BRWD1: variants seen among roughly 807,000 people sequenced by gnomAD.
BRWD1 encodes bromodomain and WD repeat domain containing 1, also known as bromodomain and WD repeat-containing protein 1.
A neutral mutation model predicts 251.2 loss-of-function variants in BRWD1; 82 were observed. That is an observed-to-expected ratio of 0.33 (90% CI 0.27 to 0.39). BRWD1 has a LOEUF of 0.39. Among genes scored for constraint, BRWD1 ranks in the 10% least tolerant of loss-of-function variants. BRWD1 has a pLI of 1.00. For missense variants in BRWD1, 2,233 were observed against 2,711.6 expected (o/e 0.82, Z 3.92); for synonymous variants, 918 against 902.8 (o/e 1.02, Z -0.30).
chr21:39,232,197 A>G lies in BRWD1; in HGVS notation c.2980T>C (p.Trp994Arg). ...CCTACCCTAAGATCCATTTTTCTCC[A>G]TGGCTCCTTATTAGGGTTCAGTTCA... ...IYELNPNKEPWRKMDLRDQEL... is the reference protein window; with the variant it reads ...IYELNPNKEPRRKMDLRDQEL... Residue 994 changes from tryptophan (W) to arginine (R), a missense_variant, in exon 25 of 41, where the codon TGG becomes CGG. By Grantham distance (101) the Trp-to-Arg change is moderately radical. This residue lies in a region of BRWD1 where 139 missense variants were observed against 272.8 expected (regional missense o/e 0.51). Coordinates refer to ENST00000342449, the MANE Select transcript of BRWD1 (RefSeq NM_033656.4). The G allele has an allele frequency of 6.2e-7, 1 of 1,611,914 alleles. No homozygotes were observed. The highest frequency in any genetic ancestry group is 8.5e-7 in the Non-Finnish European group (1 of 1,178,626).
rs187802917 is a variant in BRWD1 at position 39,258,472 on chromosome 21, A to C, written c.2071+15T>G. ...GCAGCCATATTCAGGTAAAACATTT[A>C]TCACTATTTATTACCTCTCCGGGGT... On this transcript the variant is annotated intron_variant, in intron 18 of 40. Coordinates refer to ENST00000342449, the MANE Select transcript of BRWD1 (RefSeq NM_033656.4). The C allele has an allele frequency of 6.4e-7, 1 of 1,551,514 alleles. No individual in the cohort carries two copies. Among genetic ancestry groups the C allele is most frequent in the Non-Finnish European group, 8.7e-7 (1 of 1,147,032 alleles).
chr21:39,212,846 C>A, intron 33 of BRWD1, 139 bp from the exon 34 acceptor site: 1 of 572,038 alleles, frequency 1.7e-6, no homozygotes, highest in Non-Finnish European at 3.0e-6. Context: ...CAAAGAAAGA[C>A]TACCAGATGA....
Position 39,194,594 on chromosome 21 carries a change from C to T in BRWD1, c.*1665G>A, listed in dbSNP as rs1416243462. The T allele has an allele frequency of 2.0e-6, 3 of 1,487,072 alleles. No homozygotes were observed. Among genetic ancestry groups the T allele is most frequent in the African/African-American group, 1.4e-5 (1 of 71,166 alleles). 92.1% of individuals were successfully genotyped at this position (1,487,072 alleles called of 1,614,324 possible). On this transcript the variant is annotated 3_prime_UTR_variant, in exon 41 of 41. Transcript: ENST00000342449. ...TGATAATGTCCAAAAACATCCTTCC[C>T]CATGCATCAGAGTAGAAAGAAAATG...
intron 36 of BRWD1, among the ~76,000 whole-genome samples, chr21:39,209,538 T>C (rs377323615): frequency 6.6e-6 from 1 of 152,228 alleles, no homozygotes; most frequent in South Asian, 2.1e-4. Flanking sequence ...TTTGTGGTCT[T>C]AATCTGATAG....
At position 39,210,117 on chromosome 21, in the gene BRWD1, C is replaced by T; in HGVS notation, c.4075G>A (p.Asp1359Asn). Residue 1359 changes from aspartate (D) to asparagine (N), a missense_variant, in exon 36 of 41, where the codon GAT becomes AAT. This residue lies in a region of BRWD1 where 69 missense variants were observed against 101.6 expected (regional missense o/e 0.68). Transcript: ENST00000342449. ...AGAGTTTCCCTTACTGTTCCAAAATCCATTGGGGTATCTATAATATCTCTG... is the reference window on the plus strand; with the variant it reads ...AGAGTTTCCCTTACTGTTCCAAAATTCATTGGGGTATCTATAATATCTCTG... ...DYRDIIDTPM[D>N]FGTVRETLDA... The T allele has an allele frequency of 6.2e-7, 1 of 1,611,872 alleles. No individual in the cohort carries two copies. Among genetic ancestry groups the T allele is most frequent in the Non-Finnish European group, 8.5e-7 (1 of 1,178,232 alleles).
At chr21:39,203,448 T>C (rs1408252833) in intron 37 of BRWD1, among the ~76,000 whole-genome samples, 4 of 138,704 alleles carry the variant, frequency 2.9e-5, no homozygotes, top group African/African-American at 8.2e-5. Flanking sequence ...CTTTTTTTTT[T>C]TTTTTTTTTT....
chr21:39,191,158 C>T lies in BRWD1; in HGVS notation c.*5101G>A. 2.0e-6 allele frequency: 2 copies of T among 985,310 alleles called. No homozygotes were observed. The highest frequency in any genetic ancestry group is 2.4e-6 in the Non-Finnish European group (2 of 829,880). The allele number at this position is 985,310 out of a possible 1,614,324, so 61.0% of individuals were successfully genotyped here. On this transcript the variant is annotated 3_prime_UTR_variant, in exon 41 of 41. Transcript: ENST00000342449. The stretch of plus-strand genomic sequence containing the variant: ...GAAGTAAATACTTGTTTTCAATCTA[C>T]CCTATTACTGTACTACTGGAAAGAA...
At chr21:39,219,384 C>A in intron 29 of BRWD1, 1 of 152,100 alleles carries the variant, frequency 6.6e-6, no homozygotes, top group Non-Finnish European at 1.5e-5. Flanking sequence ...TGTGCCATTG[C>A]ACTCCAGCCT....
chr21:39,185,162 A>T (rs2031141733), downstream of BRWD1: 1 of 152,042 alleles, frequency 6.6e-6, no homozygotes, highest in African/African-American at 2.4e-5. Flanking sequence ...AATATGTTCG[A>T]ATTAAATACT....
At chr21:39,247,910 G>C (rs1451616862) in intron 20 of BRWD1, 78 bp from the exon 21 acceptor site, 1 of 1,398,876 alleles carries the variant, frequency 7.1e-7, no homozygotes, top group East Asian at 2.6e-5. Context: ...ATTCCGTCAA[G>C]TTTCCAGAAG....
intron 25 of BRWD1, among the ~76,000 whole-genome samples, chr21:39,230,997 G>A (rs1208143372): frequency 6.6e-6 from 1 of 152,030 alleles, no homozygotes; most frequent in Non-Finnish European, 1.5e-5. Flanking sequence ...TAATGAGGAT[G>A]GACTGTACTT....
intron 13 of BRWD1, among the ~76,000 whole-genome samples, chr21:39,273,409 AC>A (rs1296157703): frequency 2.0e-5 from 3 of 152,348 alleles, no homozygotes; most frequent in Non-Finnish European, 2.9e-5. Context: ...CCACAAAAAA[AC>A]AAGATCAAAT....
intron 7 of BRWD1, among the ~76,000 whole-genome samples, chr21:39,294,310 G>C (rs905862408): frequency 2.6e-5 from 4 of 152,214 alleles, no homozygotes; most frequent in Non-Finnish European, 5.9e-5. Flanking sequence ...TCTCTGCAAA[G>C]TAGTAAGTCC....
At chr21:39,304,788 T>C (rs2036232986) in intron 4 of BRWD1, among the ~76,000 whole-genome samples, 1 of 152,130 alleles carries the variant, frequency 6.6e-6, no homozygotes, top group Non-Finnish European at 1.5e-5. Context: ...TGTGGCTATA[T>C]TAATGTAAGG....
At position 39,276,181 on chromosome 21, in the gene BRWD1, A is replaced by G. The variant is rs2035275793; in HGVS notation, c.1137T>C (p.Asn379=). ...ACAAAACACACACTTACCGATCACC[A>G]TTGTTACAAAATTGGATACTATCTA... is the stretch of plus-strand genomic sequence containing the variant. ...DKVDSIQFCN[N]GDRFLSGSRD... is the part of the protein sequence containing the mutation. The change falls in exon 12 of 41, where the codon AAT becomes AAC. Residue 379 remains asparagine (N), a synonymous_variant. Transcript: ENST00000342449. 6.2e-7 allele frequency: 1 copy of G among 1,607,946 alleles called. No individual in the cohort carries two copies. Among genetic ancestry groups the G allele is most frequent in the African/African-American group, 1.3e-5 (1 of 74,888 alleles).
intron 37 of BRWD1, among the ~76,000 whole-genome samples, chr21:39,204,344 A>G (rs915965179): frequency 1.7e-4 from 26 of 151,678 alleles, no homozygotes; most frequent in Non-Finnish European, 3.5e-4. Context: ...ATCAAGGGAT[A>G]TACTGCACAG....
chr21:39,238,460 C>T lies in BRWD1; in HGVS notation c.2576+19G>A. The T allele has an allele frequency of 6.3e-7, 1 of 1,590,648 alleles. No individual in the cohort carries two copies. On this transcript the variant is annotated intron_variant, in intron 22 of 40. Coordinates refer to ENST00000342449, the MANE Select transcript of BRWD1 (RefSeq NM_033656.4). Reference sequence around the variant, plus strand: ...TATGACTAAAATGCTTAAAAGACCACAACAATAAAAACAGATACCTTGAAC... The same window carrying T: ...TATGACTAAAATGCTTAAAAGACCATAACAATAAAAACAGATACCTTGAAC...
chr21:39,191,278 A>G lies in BRWD1; in HGVS notation c.*4981T>C, dbSNP rs1354222482. The G allele has an allele frequency of 1.0e-6, 1 of 985,186 alleles. No individual in the cohort carries two copies. The highest frequency in any genetic ancestry group is 1.7e-5 in the African/African-American group (1 of 57,194). 61.0% of individuals were successfully genotyped at this position (985,186 alleles called of 1,614,324 possible). A position where few individuals can be genotyped will look rare whatever the true frequency, so the allele number is the denominator to read the frequency against. The stretch of plus-strand genomic sequence containing the variant: ...ATCCAAGCTCATATGTAAAACTCAC[A>G]GCGCTCGCACCCCTATATTCTGCCT... On this transcript the variant is annotated 3_prime_UTR_variant, in exon 41 of 41. Transcript: ENST00000342449.
chr21:39,184,518 A>G (rs979942171), downstream of BRWD1: 7 of 152,246 alleles, frequency 4.6e-5, no homozygotes, highest in Non-Finnish European at 8.8e-5. Flanking sequence ...AATACATGAC[A>G]TCGCCTGCAT....
Sources: gnomAD v4.1 joint callset for allele counts (sites outside exome capture counted in the v4.1 genomes callset) on GRCh38, gnomAD v4.1.1 for gene constraint, gnomAD v4.1.1 regional missense constraint, MANE v1.5 for transcripts, NCBI Gene and HGNC (gene_info 2026-07-23, HGNC 2026-07-21) for gene names.